Variants in DDAH1 observed in about 807,000 individuals in gnomAD.
DDAH1 encodes the protein dimethylarginine dimethylaminohydrolase 1, also known as N(G),N(G)-dimethylarginine dimethylaminohydrolase 1.
Under a neutral mutation model 28.8 loss-of-function variants are expected in DDAH1, and 19 were observed. That is an observed-to-expected ratio of 0.66 (90% CI 0.46 to 0.97). The LOEUF (loss-of-function observed/expected upper bound fraction) is 0.97. Ranked by LOEUF, DDAH1 falls within the 50% of genes least tolerant of loss-of-function variation. DDAH1 has a pLI of 0.00. For synonymous variants in DDAH1, 153 were observed against 154.4 expected (o/e 0.99, Z 0.07); for missense variants, 326 against 375.9 (o/e 0.87, Z 1.10).
At chr1:85,505,991 C>A (rs1029086416) in intron 1 of DDAH1, among the ~76,000 whole-genome samples, 1 of 152,218 alleles carries the variant, frequency 6.6e-6, no homozygotes, top group African/African-American at 2.4e-5. Context: ...TTACACCAGA[C>A]ACTGTGAGCA....
chr1:85,493,940 A>G (rs1388976157), intron 2 of DDAH1: 1 of 152,256 alleles, frequency 6.6e-6, no homozygotes, highest in East Asian at 1.9e-4. Context: ...TTTAATTTAC[A>G]TAATGAAATG....
At chr1:85,539,415 T>A (rs1465066441) in intron 1 of DDAH1, among the ~76,000 whole-genome samples, 1 of 152,238 alleles carries the variant, frequency 6.6e-6, no homozygotes, top group Non-Finnish European at 1.5e-5. Flanking sequence ...CCAAAGTGGA[T>A]TACAGGCGGG....
At chr1:85,459,168 CCATT>C (rs1381784075) in intron 1 of DDAH1, among the ~76,000 whole-genome samples, 2 of 152,132 alleles carry the variant, frequency 1.3e-5, no homozygotes, top group Admixed American at 6.5e-5. Flanking sequence ...TGGATACCTA[CCATT>C]ATTATAATAA....
chr1:85,349,376 C>T (rs901650801), intron 4 of DDAH1, among the ~76,000 whole-genome samples: 2 of 152,184 alleles, frequency 1.3e-5, no homozygotes, highest in African/African-American at 4.8e-5. Flanking sequence ...GCTTCCCAGC[C>T]AAACCACCAC....
intron 1 of DDAH1, among the ~76,000 whole-genome samples, chr1:85,559,402 A>T (rs531301303): frequency 6.6e-6 from 1 of 152,226 alleles, no homozygotes; most frequent in Non-Finnish European, 1.5e-5. Flanking sequence ...AAGAATGACA[A>T]CAAATCCCCA....
At chr1:85,370,260 T>G (rs1324101638) in intron 1 of DDAH1, among the ~76,000 whole-genome samples, 1 of 152,152 alleles carries the variant, frequency 6.6e-6, no homozygotes, top group Non-Finnish European at 1.5e-5. Flanking sequence ...GGCAGAGGCC[T>G]CAGAAGAAAC....
At chr1:85,372,061 A>G (rs1650411671) in intron 1 of DDAH1, among the ~76,000 whole-genome samples, 1 of 151,728 alleles carries the variant, frequency 6.6e-6, no homozygotes, top group Non-Finnish European at 1.5e-5. Context: ...TAAAGCCTTC[A>G]TTAGAGATGG....
chr1:85,439,946 G>A (rs1282127458), intron 1 of DDAH1, among the ~76,000 whole-genome samples: 1 of 152,148 alleles, frequency 6.6e-6, no homozygotes, highest in Non-Finnish European at 1.5e-5. Flanking sequence ...TCAGATAGTA[G>A]CCTTTGATAT....
intron 4 of DDAH1, among the ~76,000 whole-genome samples, chr1:85,344,839 T>C (rs1648741113): frequency 6.6e-6 from 1 of 152,156 alleles, no homozygotes; most frequent in African/African-American, 2.4e-5. Flanking sequence ...AGATTTACTC[T>C]TTCTTATGTC....
chr1:85,421,651 A>C (rs540454789), intron 1 of DDAH1, among the ~76,000 whole-genome samples: 35 of 152,220 alleles, frequency 2.3e-4, no homozygotes, highest in Admixed American at 1.3e-3. Context: ...CACTATTGCT[A>C]AAGTTTTGTC....
intron 1 of DDAH1, among the ~76,000 whole-genome samples, chr1:85,389,614 C>T (rs1020222161): frequency 6.6e-6 from 1 of 152,124 alleles, no homozygotes; most frequent in African/African-American, 2.4e-5. Flanking sequence ...AGAGTCTCTA[C>T]TCTGATGTTG....
At chr1:85,562,928 CAATGATTTTCCTGCCT>C (rs1659180977) in intron 1 of DDAH1, among the ~76,000 whole-genome samples, 1 of 152,174 alleles carries the variant, frequency 6.6e-6, no homozygotes, top group African/African-American at 2.4e-5. Context: ...AATGGAGGAA[CAATGATTTTCCTGCCT>C]GAAACAAATA....
intron 1 of DDAH1, among the ~76,000 whole-genome samples, chr1:85,432,893 C>T (rs1653758689): frequency 6.6e-6 from 1 of 152,116 alleles, no homozygotes; most frequent in East Asian, 1.9e-4. Context: ...TGGACTAACT[C>T]CCACAAAACA....
chr1:85,425,139 G>T (rs976571582), intron 1 of DDAH1, among the ~76,000 whole-genome samples: 1 of 152,080 alleles, frequency 6.6e-6, no homozygotes. Context: ...ACTACCAGAT[G>T]AAGTTAGGCA....
At chr1:85,526,033 G>A (rs1335621238) in intron 1 of DDAH1, among the ~76,000 whole-genome samples, 3 of 152,168 alleles carry the variant, frequency 2.0e-5, no homozygotes, top group African/African-American at 4.8e-5. Flanking sequence ...TTTCAGAATG[G>A]CCATGTGAAA....
At chr1:85,403,348 C>A (rs1489172987) in intron 1 of DDAH1, among the ~76,000 whole-genome samples, 2 of 151,644 alleles carry the variant, frequency 1.3e-5, no homozygotes, top group African/African-American at 2.4e-5. Context: ...AAAAAAAAAT[C>A]TGAAAAGAAT....
At chr1:85,357,993 T>A (rs2300639) in intron 2 of DDAH1, among the ~76,000 whole-genome samples, 22,895 of 152,236 alleles carry the variant, frequency 0.15, 2,120 homozygotes, top group Admixed American at 0.21. Context: ...CCAAGTCAAT[T>A]TGCATAGAAA....
chr1:85,449,283 A>G (rs765155979), intron 1 of DDAH1, among the ~76,000 whole-genome samples: 10 of 152,204 alleles, frequency 6.6e-5, no homozygotes, highest in Non-Finnish European at 1.5e-4. Context: ...ACATGGCACC[A>G]AGAGGACATA....
In DDAH1 at chr1:85,567,301, T is replaced by C. The variant is rs545796435; in HGVS notation, c.-123+10683A>G. 1.1e-4 allele frequency among the ~76,000 whole-genome samples: 16 copies of C among 152,332 alleles called. No homozygotes were observed. In the South Asian group the frequency reaches 3.1e-3, roughly 30 times the overall value. ...GTGTCCCCACCCAAATCTCATCTTG[T>C]AGCTTCCATAATTCCCAGGTGTTGT... On this transcript the variant is annotated intron_variant, in intron 1 of 6. Coordinates refer to the DDAH1 transcript ENST00000426972.
Sources: allele counts gnomAD v4.1 joint callset (sites outside exome capture counted in the v4.1 genomes callset), GRCh38; gene constraint gnomAD v4.1.1; transcripts MANE v1.5; gene names NCBI Gene and HGNC (gene_info 2026-07-23, HGNC 2026-07-21).